Variants in ILK observed in about 807,000 individuals in gnomAD.
The protein encoded by ILK is integrin linked kinase.
In ILK, 37 loss-of-function variants were observed where a neutral mutation model predicts 57.8. The ratio of observed to expected loss-of-function variants is 0.64; its 90% CI spans 0.49 to 0.84. The LOEUF (loss-of-function observed/expected upper bound fraction) is 0.84. ILK is among the 40% of genes least tolerant of loss of function. The pLI, the probability that ILK is intolerant of heterozygous loss-of-function variation, is 0.00. For missense variants in ILK, 528 were observed against 595.7 expected (o/e 0.89, Z 1.18); for synonymous variants, 231 against 202.2 (o/e 1.14, Z -1.21).
chr11:6,603,899 G>A (rs748861439), intron 1 of ILK, 77 bp downstream of exon 1: 1 of 431,766 alleles, frequency 2.3e-6, no homozygotes, highest in South Asian at 2.6e-5. Flanking sequence ...AGCCAACCCT[G>A]GGGAGGACCC....
In ILK at chr11:6,608,856, C is replaced by T. The variant is rs1855202848; in HGVS notation, c.449-28C>T. On this transcript the variant is annotated intron_variant, in intron 5 of 12. Coordinates refer to ENST00000299421, the MANE Select transcript of ILK (RefSeq NM_004517.4). This position sits in a 1 kb window ranked among gnomAD's most constrained non-coding sequence, Gnocchi z 4.9. ...TCCCACCTGTCTTCTCCCTCTGTAC[C>T]ACAGCTTAGGTTGTTTTTCTTCCCT... 1 of 1,613,664 alleles carries T rather than the reference C, an allele frequency of 6.2e-7. No homozygotes were observed. Among genetic ancestry groups the T allele is most frequent in the Non-Finnish European group, 8.5e-7 (1 of 1,179,560 alleles).
At chr11:6,607,455 C>T (rs1388750707) in intron 2 of ILK, 2 of 160,422 alleles carry the variant, frequency 1.2e-5, no homozygotes, top group Non-Finnish European at 2.8e-5. Flanking sequence ...AACATAAACC[C>T]TTCCAAAACA....
At position 6,608,518 on chromosome 11, in the gene ILK, T is replaced by C. The variant is rs887851874; in HGVS notation, c.351+29T>C. On this transcript the variant is annotated intron_variant, in intron 4 of 12. Coordinates refer to ENST00000299421, the MANE Select transcript of ILK (RefSeq NM_004517.4). This position sits in a 1 kb window ranked among gnomAD's most constrained non-coding sequence, Gnocchi z 4.9. ...AGTACTCAGCCCTTAATTCCTGAGA[T>C]GGGTAGGAAGTAAAGTCTGAGCCTT... 8 of 1,570,308 alleles carry C rather than the reference T, an allele frequency of 5.1e-6. No individual in the cohort carries two copies. In the African/African-American group the frequency reaches 9.5e-5, roughly 19 times the overall value.
chr11:6,603,873 C>A, intron 1 of ILK, 51 bp downstream of exon 1: 1 of 386,720 alleles, frequency 2.6e-6, no homozygotes, highest in Middle Eastern at 7.0e-4. Context: ...TCTCCTGAGT[C>A]CCAAGTAAGG....
intron 2 of ILK, chr11:6,607,779 A>G (rs1855077723): frequency 8.0e-6 from 4 of 498,270 alleles, no homozygotes; most frequent in Admixed American, 3.3e-5. Flanking sequence ...GGGGAAGAGC[A>G]CTACCACCTA....
At chr11:6,609,890 TG>T in intron 10 of ILK, 45 bp downstream of exon 10, 3 of 1,614,184 alleles carry the variant, frequency 1.9e-6, no homozygotes, top group Non-Finnish European at 2.5e-6. Context: ...AAAAGCCCTT[TG>T]CCTATCTATG....
At chr11:6,604,910 CGTA>C (rs1854701939) in intron 2 of ILK, 2 of 456,080 alleles carry the variant, frequency 4.4e-6, no homozygotes, top group Admixed American at 2.4e-5. Context: ...CCTAGTTCAT[CGTA>C]GAAGTAATGA....
chr11:6,609,087 C>A lies in ILK; in HGVS notation c.549C>A (p.Asn183Lys), dbSNP rs1238498641. ...TRTRPRNGTL[N>K]KHSGIDFKQL... Reference sequence around the variant, plus strand: ...CACTCTTAGGAAATGGAACCCTGAACAAACACTCTGGCATTGACTTCAAAC... The same window carrying A: ...CACTCTTAGGAAATGGAACCCTGAAAAAACACTCTGGCATTGACTTCAAAC... Residue 183 changes from asparagine (N) to lysine (K), a missense_variant, in exon 7 of 13, where the codon AAC becomes AAA. Transcript: ENST00000299421. 1 of 1,614,150 alleles carries A rather than the reference C, an allele frequency of 6.2e-7. No homozygotes were observed. The highest frequency in any genetic ancestry group is 8.5e-7 in the Non-Finnish European group (1 of 1,179,992).
rs772402166 is a variant in ILK, at chr11:6,604,264, A to G, written c.-8A>G. 1 of 1,610,176 alleles carries G rather than the reference A, an allele frequency of 6.2e-7. No homozygotes were observed. The highest frequency in any genetic ancestry group is 1.1e-5 in the South Asian group (1 of 90,476). On this transcript the variant is annotated 5_prime_UTR_variant, in exon 2 of 13. Coordinates refer to ENST00000299421, the MANE Select transcript of ILK (RefSeq NM_004517.4). ...CCAATCCAGGGGACTCGGCGCCGGG[A>G]CGCTGCTATGGACGACATTTTCACT...
At chr11:6,603,990 T>G in intron 1 of ILK, 168 bp downstream of exon 1, 1 of 561,242 alleles carries the variant, frequency 1.8e-6, no homozygotes, top group South Asian at 2.0e-5. Flanking sequence ...TCTAGTTGCC[T>G]GCTCTCGGAC....
In ILK at chr11:6,610,705, G is replaced by T. The variant is rs946852662; in HGVS notation, c.*94G>T. 88 of 1,495,152 alleles carry T rather than the reference G, an allele frequency of 5.9e-5. No individual in the cohort carries two copies. Among genetic ancestry groups the T allele is most frequent in the Middle Eastern group, 2.1e-4 (1 of 4,836 alleles). The allele number at this position is 1,495,152 out of a possible 1,614,324, so 92.6% of individuals were successfully genotyped here. On this transcript the variant is annotated 3_prime_UTR_variant, in exon 13 of 13. Coordinates refer to ENST00000299421, the MANE Select transcript of ILK (RefSeq NM_004517.4). ...CAGCAGGCCTCTGGTTGCCTCCCCC[G>T]CCTCCAGTCATGGTACTACCCCAGC...
chr11:6,609,225 A>G (rs1855254415), intron 7 of ILK, 69 bp downstream of exon 7: 4 of 1,601,730 alleles, frequency 2.5e-6, no homozygotes, highest in Admixed American at 1.7e-5. Flanking sequence ...ACCTGTTTTA[A>G]GTTTTTCCTC....
At chr11:6,607,363 A>G (rs1419769623) in intron 2 of ILK, 1 of 152,582 alleles carries the variant, frequency 6.6e-6, no homozygotes, top group Non-Finnish European at 1.5e-5. Flanking sequence ...TTCTATGCAC[A>G]GGATTGCTAA....
Position 6,610,687 on chromosome 11 carries a change from C to A in ILK, c.*76C>A. 6.4e-7 allele frequency: 1 copy of A among 1,559,464 alleles called. No individual in the cohort carries two copies. The highest frequency in any genetic ancestry group is 8.8e-7 in the Non-Finnish European group (1 of 1,133,870). ...GAATGCACCTCCCCAAAGCAGCAGG[C>A]CTCTGGTTGCCTCCCCCGCCTCCAG... On this transcript the variant is annotated 3_prime_UTR_variant, in exon 13 of 13. Coordinates refer to ENST00000299421, the MANE Select transcript of ILK (RefSeq NM_004517.4).
Position 6,608,402 on chromosome 11 carries a change from G to C in ILK, c.264G>C (p.Gln88His), listed in dbSNP as rs1208088812. 1 of 1,613,980 alleles carries C rather than the reference G, an allele frequency of 6.2e-7. No homozygotes were observed. Among genetic ancestry groups the C allele is most frequent in the Non-Finnish European group, 8.5e-7 (1 of 1,179,820 alleles). Residue 88 changes from glutamine (Q) to histidine (H), a missense_variant, in exon 4 of 13, where the codon CAG becomes CAC. Gln to His is a conservative substitution (Grantham distance 24). Transcript: ENST00000299421. This position sits in a 1 kb window ranked among gnomAD's most constrained non-coding sequence, Gnocchi z 4.9. ...GHRDIVQKLL[Q>H]YKADINAVNE... ...CTGGCCATGGGGTCCAGCTATTGCA[G>C]TACAAGGCAGACATCAATGCAGTGA...
Position 6,604,316 on chromosome 11 carries a change from C to T in ILK, c.45C>T (p.Ala15=). 1 of 1,612,922 alleles carries T rather than the reference C, an allele frequency of 6.2e-7. No homozygotes were observed. The highest frequency in any genetic ancestry group is 8.5e-7 in the Non-Finnish European group (1 of 1,179,678). Reference sequence around the variant, plus strand: ...AGTGCCGGGAGGGCAACGCAGTCGCCGTTCGCCTGTGGCTGGACAACACGG... The same window carrying T: ...AGTGCCGGGAGGGCAACGCAGTCGCTGTTCGCCTGTGGCTGGACAACACGG... ...FTQCREGNAV[A]VRLWLDNTEN... The change falls in exon 2 of 13, where the codon GCC becomes GCT. Residue 15 remains alanine (A), a synonymous_variant. Transcript: ENST00000299421.
At position 6,610,225 on chromosome 11, in the gene ILK, G is replaced by C. The variant is rs772427264; in HGVS notation, c.1156G>C (p.Val386Leu). 1 of 1,614,242 alleles carries C rather than the reference G, an allele frequency of 6.2e-7. No homozygotes were observed. The highest frequency in any genetic ancestry group is 8.5e-7 in the Non-Finnish European group (1 of 1,180,040). The change falls in exon 12 of 13, where the codon GTG becomes CTG. Residue 386 changes from valine (V) to leucine (L), a missense_variant. Physicochemically the swap from Val to Leu is conservative, Grantham distance 32. Coordinates refer to ENST00000299421, the MANE Select transcript of ILK (RefSeq NM_004517.4). ...TTTTGCAGTGCTTCTGTGGGAACTG[G>C]TGACACGGGAGGTACCCTTTGCTGA... ...WSFAVLLWEL[V>L]TREVPFADLS...
rs1263578100 is a variant in ILK at position 6,608,021 on chromosome 11, A to G, written c.90-25A>G. The G allele has an allele frequency of 1.2e-6, 2 of 1,613,078 alleles. No individual in the cohort carries two copies. Among genetic ancestry groups the G allele is most frequent in the Non-Finnish European group, 1.7e-6 (2 of 1,179,752 alleles). ...CTTTGCCCCATCCCACCTCCAGCTC[A>G]ATGACCATTGCCCCTTCCTCAAAGG... is the stretch of plus-strand genomic sequence containing the variant. On this transcript the variant is annotated intron_variant, in intron 2 of 12. Coordinates refer to ENST00000299421, the MANE Select transcript of ILK (RefSeq NM_004517.4). This position sits in a 1 kb window ranked among gnomAD's most constrained non-coding sequence, Gnocchi z 4.9.
Position 6,608,302 on chromosome 11 carries a change from T to G in ILK, c.255+91T>G. ...AACATACAGTAGAAAGCATGTGTGC[T>G]CTTCCCCCTTTTCCCATGCCCTGAC... On this transcript the variant is annotated intron_variant, in intron 3 of 12. Transcript: ENST00000299421. The surrounding 1 kb of genome is among the most constrained non-coding windows in gnomAD (Gnocchi z 4.9). 6.4e-7 allele frequency: 1 copy of G among 1,559,778 alleles called. No individual in the cohort carries two copies. The highest frequency in any genetic ancestry group is 1.1e-5 in the South Asian group (1 of 90,072).
Sources: allele counts gnomAD v4.1 joint callset, GRCh38; gene constraint gnomAD v4.1.1; non-coding constraint Gnocchi (gnomAD v3.1); transcripts MANE v1.5; gene names NCBI Gene and HGNC (gene_info 2026-07-23, HGNC 2026-07-21).